The following FBLN1 variants were observed in gnomAD, a reference collection of about 807,000 sequenced individuals.
FBLN1 encodes the protein fibulin 1, also known as fibulin-1.
FBLN1 carries 34 observed loss-of-function variants against 89.7 expected under a neutral mutation model. The ratio of observed to expected loss-of-function variants is 0.38; its 90% CI spans 0.29 to 0.50. The LOEUF (loss-of-function observed/expected upper bound fraction) is 0.50. FBLN1 is among the 20% of genes least tolerant of loss of function. The pLI is 0.92. For missense variants in FBLN1, 777 were observed against 988.1 expected, an observed-to-expected ratio of 0.79 and a Z score of 2.86; for synonymous variants, 393 against 391.3, an observed-to-expected ratio of 1.00 and a Z score of -0.05.
Position 45,577,158 on chromosome 22 carries a change from C to T in FBLN1, c.1972+50C>T. The T allele has an allele frequency of 1.2e-6, 2 of 1,606,738 alleles. No individual in the cohort carries two copies. Among genetic ancestry groups the T allele is most frequent in the South Asian group, 2.2e-5 (2 of 90,878 alleles). ...TATCCAGGCACCCCTCCCCCTCCAC[C>T]CCGAAACCCTCTCTGGCCCAGCCCA... On this transcript the variant is annotated intron_variant, in intron 16 of 16. Transcript: ENST00000327858. The surrounding 1 kb of genome is among the most constrained non-coding windows in gnomAD (Gnocchi z 6.6).
At chr22:45,529,535 C>T (rs1269356005) in intron 4 of FBLN1, among the ~76,000 whole-genome samples, 1 of 152,122 alleles carries the variant, frequency 6.6e-6, no homozygotes, top group Non-Finnish European at 1.5e-5. Flanking sequence ...CCTGTTCCCT[C>T]CTCTCTCTGA....
intron 14 of FBLN1, chr22:45,565,379 C>A: frequency 1.0e-6 from 1 of 964,342 alleles, no homozygotes; most frequent in South Asian, 1.7e-5. Context: ...CCTGGCCCCA[C>A]GGGGAGGCTT....
intron 1 of FBLN1, among the ~76,000 whole-genome samples, chr22:45,510,155 C>T (rs1389117240): frequency 6.6e-6 from 1 of 152,174 alleles, no homozygotes; most frequent in Non-Finnish European, 1.5e-5. Flanking sequence ...CCCATTCAAC[C>T]ACCATCTCAT....
chr22:45,592,556 G>C (rs773642870), intron 16 of FBLN1, among the ~76,000 whole-genome samples: 17 of 152,200 alleles, frequency 1.1e-4, no homozygotes, highest in Non-Finnish European at 7.3e-5. Context: ...TCGAACTCCT[G>C]ACCTCAGATG....
At position 45,561,591 on chromosome 22, in the gene FBLN1, G is replaced by A. The variant is rs73442970; in HGVS notation, c.1697+10976G>A. On this transcript the variant is annotated intron_variant, in intron 14 of 16. Coordinates refer to ENST00000327858, the MANE Select transcript of FBLN1 (RefSeq NM_006486.3). The surrounding 1 kb of genome is among the most constrained non-coding windows in gnomAD (Gnocchi z 4.7). Reference sequence around the variant, plus strand: ...GTCCTTAGCATTTTTGGATCTAATCGTTAACCAGCCAACCCCAGAAACCCC... The same window carrying A: ...GTCCTTAGCATTTTTGGATCTAATCATTAACCAGCCAACCCCAGAAACCCC... 0.023 allele frequency among the ~76,000 whole-genome samples: 3,441 copies of A among 152,178 alleles called. 119 individuals are homozygous for A. Among genetic ancestry groups the A allele is most frequent in the African/African-American group, 0.078 (3,251 of 41,486 alleles).
intron 2 of FBLN1, among the ~76,000 whole-genome samples, chr22:45,525,101 G>A (rs2088303517): frequency 7.2e-6 from 1 of 138,756 alleles, no homozygotes; most frequent in Non-Finnish European, 1.5e-5. Context: ...AAGAGAGAAA[G>A]GGAAAGAGAG....
In FBLN1 at chr22:45,514,105, A is replaced by G. The variant is rs2146944530; in HGVS notation, c.80-4577A>G. On this transcript the variant is annotated intron_variant, in intron 1 of 16. Transcript: ENST00000327858. ...GCCAAGCTTGTTTATTTAAAAGGGG[A>G]CAGAGACAACTTTTTTTCGTTTCTA... Among the ~76,000 whole-genome samples the G allele has an allele frequency of 2.0e-5, 3 of 152,062 alleles. 1 individual carries two copies. In the South Asian group the frequency reaches 6.3e-4, roughly 32 times the overall value.
At chr22:45,512,595 C>T (rs73445423) in intron 1 of FBLN1, among the ~76,000 whole-genome samples, 1 of 152,048 alleles carries the variant, frequency 6.6e-6, no homozygotes, top group African/African-American at 2.4e-5. Flanking sequence ...GTTTGGATAT[C>T]CACAGGTGAC....
At chr22:45,517,320 AT>A (rs1266032401) in intron 1 of FBLN1, 4 of 324,844 alleles carry the variant, frequency 1.2e-5, no homozygotes, top group Middle Eastern at 1.1e-3. Flanking sequence ...TGTCGTGCTA[AT>A]GCTTTCTGGC....
intron 14 of FBLN1, among the ~76,000 whole-genome samples, chr22:45,552,062 G>A (rs1215053997): frequency 6.6e-6 from 1 of 152,262 alleles, no homozygotes; most frequent in Non-Finnish European, 1.5e-5. Flanking sequence ...GGCTGTGGAA[G>A]CCTCTGCCAC....
At chr22:45,553,796 G>T (rs905828928) in intron 14 of FBLN1, among the ~76,000 whole-genome samples, 1 of 152,112 alleles carries the variant, frequency 6.6e-6, no homozygotes, top group Non-Finnish European at 1.5e-5. Context: ...TGATGACGGC[G>T]GGAGCTGCAC....
rs115444651 is a variant in FBLN1 at position 45,592,096 on chromosome 22, G to A, written c.1973-8211G>A. Among the ~76,000 whole-genome samples, 169 of 152,026 alleles carry A rather than the reference G, an allele frequency of 1.1e-3. 1 individual carries two copies. Among genetic ancestry groups the A allele is most frequent in the African/African-American group, 3.9e-3 (161 of 41,354 alleles). On this transcript the variant is annotated intron_variant, in intron 16 of 16. Transcript: ENST00000327858. ...CAGTCCCCGCTGGACGGAAACCTGCGGCCCTGTTAGCTCCGTGATCTGGAA... is the reference window on the plus strand; with the variant it reads ...CAGTCCCCGCTGGACGGAAACCTGCAGCCCTGTTAGCTCCGTGATCTGGAA...
chr22:45,565,239 C>G, intron 14 of FBLN1: 2 of 1,419,382 alleles, frequency 1.4e-6, no homozygotes, highest in South Asian at 2.4e-5. Flanking sequence ...TTAGAACCTT[C>G]CATGGTTGTC....
chr22:45,560,937 G>A (rs918055674), intron 14 of FBLN1, among the ~76,000 whole-genome samples: 13 of 152,132 alleles, frequency 8.5e-5, no homozygotes, highest in African/African-American at 3.1e-4. Context: ...GGCAGCGTGG[G>A]GTTTATCTCC....
intron 4 of FBLN1, among the ~76,000 whole-genome samples, chr22:45,529,908 G>C (rs2088381520): frequency 6.6e-6 from 1 of 152,040 alleles, no homozygotes; most frequent in African/African-American, 2.4e-5. Context: ...GGAGGTGCCG[G>C]AAGGGGCGAA....
At chr22:45,589,429 G>A (rs547374155) in intron 16 of FBLN1, among the ~76,000 whole-genome samples, 5 of 152,270 alleles carry the variant, frequency 3.3e-5, no homozygotes, top group African/African-American at 9.6e-5. Flanking sequence ...TAGGTGTATC[G>A]TAAATGTTCA....
chr22:45,588,348 T>TG lies in FBLN1; in HGVS notation c.1972+11246dup, dbSNP rs770807475. Among the ~76,000 whole-genome samples the TG allele has an allele frequency of 4.6e-5, 7 of 151,946 alleles. No homozygotes were observed. Among genetic ancestry groups the TG allele is most frequent in the Non-Finnish European group, 8.8e-5 (6 of 67,974 alleles). The stretch of plus-strand genomic sequence containing the variant: ...AACCAGAGCAGATAAATGCTTGTGC[T>TG]GGGGGGAGGGGTGTCGTGAAAAGGG... On this transcript the variant is annotated intron_variant, in intron 16 of 16. Coordinates refer to ENST00000327858, the MANE Select transcript of FBLN1 (RefSeq NM_006486.3). This position sits in a 1 kb window ranked among gnomAD's most constrained non-coding sequence, Gnocchi z 5.1.
rs192243295 is a variant in FBLN1, at chr22:45,546,457, G to A, written c.1322-628G>A. 9.7e-4 allele frequency among the ~76,000 whole-genome samples: 148 copies of A among 152,268 alleles called. No homozygotes were observed. The East Asian group carries it at 0.022, about 23-fold the overall frequency. On this transcript the variant is annotated intron_variant, in intron 11 of 16. Transcript: ENST00000327858. ...TCTCGAACCCCTGACCTCGTGATCCGCCCACCTCGGCCTCCCGAAGTGCTG... is the reference window on the plus strand; with the variant it reads ...TCTCGAACCCCTGACCTCGTGATCCACCCACCTCGGCCTCCCGAAGTGCTG...
chr22:45,509,464 T>TGGGGCCAGGAGCCCTAAGAGCA, intron 1 of FBLN1, among the ~76,000 whole-genome samples: 1 of 152,232 alleles, frequency 6.6e-6, no homozygotes, highest in African/African-American at 2.4e-5. Context: ...GTGTTGGGGA[T>TGGGGCCAGGAGCCCTAAGAGCA]GGGGCCAGGA....
Sources: gnomAD v4.1 joint callset for allele counts (sites outside exome capture counted in the v4.1 genomes callset) on GRCh38, gnomAD v4.1.1 for gene constraint, Gnocchi (gnomAD v3.1) non-coding constraint, MANE v1.5 for transcripts, NCBI Gene and HGNC (gene_info 2026-07-23, HGNC 2026-07-21) for gene names.